The following CENPP variants were observed in gnomAD, a reference collection of about 807,000 sequenced individuals.
CENPP encodes centromere protein P.
A neutral mutation model predicts 35.6 loss-of-function variants in CENPP; 24 were observed. The observed-to-expected ratio is 0.67, with a 90% CI of 0.49 to 0.95. The LOEUF (loss-of-function observed/expected upper bound fraction) is 0.95, where lower values mean the gene tolerates loss of function less well. Among genes scored for constraint, CENPP ranks in the 40% least tolerant of loss-of-function variants. CENPP has a pLI of 0.00. For missense variants in CENPP, 332 were observed against 345.3 expected (o/e 0.96, Z 0.31); for synonymous variants, 120 against 125.5 (o/e 0.96, Z 0.29).
intron 5 of CENPP, among the ~76,000 whole-genome samples, chr9:92,471,478 A>ATCTT (rs1845513246): frequency 3.9e-5 from 6 of 151,994 alleles, no homozygotes; most frequent in African/African-American, 1.5e-4. Context: ...TACAGTCGTG[A>ATCTT]GCCACCGCAC....
chr9:92,587,470 CA>C (rs201815847), intron 5 of CENPP, among the ~76,000 whole-genome samples: 1 of 146,924 alleles, frequency 6.8e-6, no homozygotes, highest in South Asian at 2.2e-4. Context: ...ATTGCCATCT[CA>C]AAAAAAAGGG....
At chr9:92,440,615 A>G (rs2131002065) in intron 5 of CENPP, among the ~76,000 whole-genome samples, 1 of 152,316 alleles carries the variant, frequency 6.6e-6, no homozygotes, top group Non-Finnish European at 1.5e-5. Context: ...CAAATCTCCT[A>G]TCTGTAAAAT....
chr9:92,581,784 C>A (rs1422130925), intron 5 of CENPP, among the ~76,000 whole-genome samples: 10 of 152,152 alleles, frequency 6.6e-5, no homozygotes, highest in Admixed American at 6.6e-4. Flanking sequence ...ATATGTCAAA[C>A]AGTGACTGTA....
intron 5 of CENPP, among the ~76,000 whole-genome samples, chr9:92,380,328 C>G (rs906217075): frequency 2.8e-4 from 42 of 152,126 alleles, no homozygotes; most frequent in African/African-American, 9.2e-4. Flanking sequence ...TAAAGTACTT[C>G]CTTTTATTCC....
intron 5 of CENPP, among the ~76,000 whole-genome samples, chr9:92,518,332 C>T (rs1847853672): frequency 6.6e-6 from 1 of 152,198 alleles, no homozygotes; most frequent in Non-Finnish European, 1.5e-5. Flanking sequence ...CACATGAGCT[C>T]TTAAAGTGTC....
intron 5 of CENPP, among the ~76,000 whole-genome samples, chr9:92,390,495 G>C (rs952560685): frequency 6.6e-6 from 1 of 151,896 alleles, no homozygotes; most frequent in Admixed American, 6.6e-5. Flanking sequence ...ATGCCTTATC[G>C]CTTAACAACA....
chr9:92,496,405 A>G lies in CENPP; in HGVS notation c.565-114909A>G, dbSNP rs780967953. The G allele has an allele frequency of 5.0e-6, 8 of 1,610,648 alleles. No homozygotes were observed. The African/African-American group carries it at 1.1e-4, about 22-fold the overall frequency. Reference sequence around the variant, plus strand: ...ATGGTATTTCTCTAATTTTAATATAATTGTTTTCAAGATGAAGATGTTCCA... The same window carrying G: ...ATGGTATTTCTCTAATTTTAATATAGTTGTTTTCAAGATGAAGATGTTCCA... On this transcript the variant is annotated intron_variant, in intron 5 of 7. Transcript: ENST00000375587.
rs540563446 is a variant in CENPP, at chr9:92,526,263, A to G, written c.565-85051A>G. Among the ~76,000 whole-genome samples the G allele has an allele frequency of 1.6e-4, 24 of 152,350 alleles. No individual in the cohort carries two copies. The Middle Eastern group carries it at 0.014, about 86-fold the overall frequency. On this transcript the variant is annotated intron_variant, in intron 5 of 7. Transcript: ENST00000375587. ...GTTTGAAAAGTTAAAAAATAAAAATAGAAAAAAGCTTACAAAATTACGCTA... is the reference window on the plus strand; with the variant it reads ...GTTTGAAAAGTTAAAAAATAAAAATGGAAAAAAGCTTACAAAATTACGCTA...
chr9:92,547,108 G>T (rs1031685848), intron 5 of CENPP, among the ~76,000 whole-genome samples: 1 of 152,010 alleles, frequency 6.6e-6, no homozygotes, highest in Non-Finnish European at 1.5e-5. Flanking sequence ...AAGAACTAGC[G>T]GCGTAAGTGT....
chr9:92,354,944 A>G lies in CENPP; in HGVS notation c.467+9157A>G, dbSNP rs951593709. Among the ~76,000 whole-genome samples the G allele has an allele frequency of 4.3e-4, 66 of 152,142 alleles. 1 individual carries two copies. Among genetic ancestry groups the G allele is most frequent in the Admixed American group, 4.0e-3 (61 of 15,266 alleles). On this transcript the variant is annotated intron_variant, in intron 4 of 7. Coordinates refer to ENST00000375587, the MANE Select transcript of CENPP (RefSeq NM_001012267.3). ...TAAGGGTTTCAAAAGGGGAGGGGGT[A>G]TAAGAACAGGGAGTAGGTACAAAGA...
At chr9:92,549,837 T>TA (rs1198203684) in intron 5 of CENPP, among the ~76,000 whole-genome samples, 1 of 152,152 alleles carries the variant, frequency 6.6e-6, no homozygotes, top group Non-Finnish European at 1.5e-5. Flanking sequence ...GCAGTTCTCT[T>TA]ACTCCCTGAG....
At chr9:92,368,937 A>G (rs1049762996) in intron 4 of CENPP, among the ~76,000 whole-genome samples, 1 of 152,174 alleles carries the variant, frequency 6.6e-6, no homozygotes, top group African/African-American at 2.4e-5. Context: ...ATAGCTGCTC[A>G]GGAGACTGAC....
chr9:92,378,331 G>A (rs944949), intron 4 of CENPP, among the ~76,000 whole-genome samples: 135,663 of 152,146 alleles, frequency 0.89, 60,643 homozygotes, highest in East Asian at 0.95. Flanking sequence ...CATGATCTCC[G>A]TTGGTTAGAG....
intron 5 of CENPP, chr9:92,539,244 G>A (rs1446678361): frequency 6.6e-6 from 1 of 152,108 alleles, no homozygotes; most frequent in Non-Finnish European, 1.5e-5. Context: ...TAAGGACAGA[G>A]GCTAAACCTC....
chr9:92,466,854 A>G (rs902407466), intron 5 of CENPP, among the ~76,000 whole-genome samples: 1 of 152,158 alleles, frequency 6.6e-6, no homozygotes, highest in East Asian at 1.9e-4. Flanking sequence ...TAAGCCTTCA[A>G]CCTCTACTCA....
At chr9:92,354,216 A>G (rs566571847) in intron 4 of CENPP, among the ~76,000 whole-genome samples, 4 of 152,334 alleles carry the variant, frequency 2.6e-5, no homozygotes, top group African/African-American at 9.6e-5. Flanking sequence ...GTAAGTGTCT[A>G]TTCCAGTGAG....
At chr9:92,572,412 C>T (rs563866596) in intron 5 of CENPP, among the ~76,000 whole-genome samples, 13 of 152,180 alleles carry the variant, frequency 8.5e-5, no homozygotes, top group African/African-American at 2.4e-4. Context: ...TGTTGAATAT[C>T]GGCCCCCACT....
intron 5 of CENPP, among the ~76,000 whole-genome samples, chr9:92,498,415 G>A (rs1389493866): frequency 4.0e-5 from 6 of 151,760 alleles, no homozygotes; most frequent in East Asian, 1.9e-4. Context: ...AAACCTGCAC[G>A]TTGTGCACAT....
chr9:92,443,149 A>G (rs1844464422), intron 5 of CENPP, among the ~76,000 whole-genome samples: 1 of 152,198 alleles, frequency 6.6e-6, no homozygotes, highest in Non-Finnish European at 1.5e-5. Context: ...ACATAATTAT[A>G]TTTTTGAAAT....
Sources: gnomAD v4.1 joint callset for allele counts (sites outside exome capture counted in the v4.1 genomes callset) on GRCh38, gnomAD v4.1.1 for gene constraint, MANE v1.5 for transcripts, NCBI Gene and HGNC (gene_info 2026-07-23, HGNC 2026-07-21) for gene names.